Variants in ST18 observed in about 807,000 individuals in gnomAD.
ST18 encodes the protein suppression of tumorigenicity 18 protein.
In ST18, 50 loss-of-function variants were observed where a neutral mutation model predicts 110.0. That is an observed-to-expected ratio of 0.45 (90% CI 0.36 to 0.58). ST18 has a LOEUF of 0.58. ST18 is among the 20% of genes least tolerant of loss of function. The pLI is 0.00. For missense variants in ST18, 1,306 were observed against 1,280.1 expected (o/e 1.02, Z -0.31); for synonymous variants, 461 against 452.4 (o/e 1.02, Z -0.24).
chr8:52,282,853 C>T (rs1264615755), intron 2 of ST18, among the ~76,000 whole-genome samples: 1 of 152,024 alleles, frequency 6.6e-6, no homozygotes, highest in African/African-American at 2.4e-5. Context: ...GAGGAAGATG[C>T]AAGACCTTGG....
At chr8:52,185,568 T>C (rs2071748383) in intron 8 of ST18, among the ~76,000 whole-genome samples, 1 of 152,060 alleles carries the variant, frequency 6.6e-6, no homozygotes, top group South Asian at 2.1e-4. Flanking sequence ...TTGGTGCAAA[T>C]ATTAAAAAAA....
At chr8:52,154,015 A>C (rs556745540) in intron 15 of ST18, among the ~76,000 whole-genome samples, 2 of 152,266 alleles carry the variant, frequency 1.3e-5, no homozygotes, top group South Asian at 4.1e-4. Flanking sequence ...GATTCAGGGG[A>C]TTGGACTAGG....
At chr8:52,285,114 A>G (rs2095447059) in intron 2 of ST18, among the ~76,000 whole-genome samples, 1 of 152,216 alleles carries the variant, frequency 6.6e-6, no homozygotes, top group Admixed American at 6.5e-5. Context: ...GATTTTCCAC[A>G]AGGACTAAAG....
Position 52,171,417 on chromosome 8 carries a change from A to G in ST18, c.1069+375T>C, listed in dbSNP as rs2064920838. Among the ~76,000 whole-genome samples the G allele has an allele frequency of 2.0e-5, 3 of 152,264 alleles. No homozygotes were observed. In the South Asian group the frequency reaches 6.2e-4, roughly 32 times the overall value. On this transcript the variant is annotated intron_variant, in intron 10 of 25. Coordinates refer to ENST00000689386, the MANE Select transcript of ST18 (RefSeq NM_001352837.2). Reference sequence around the variant, plus strand: ...CCTGGCTAGCAAGTTAGATAATCCAAGAATGAGGGTGGGAAAGAAAAATTA... The same window carrying G: ...CCTGGCTAGCAAGTTAGATAATCCAGGAATGAGGGTGGGAAAGAAAAATTA...
chr8:52,142,273 G>A (rs1365769887), intron 17 of ST18, among the ~76,000 whole-genome samples: 1 of 152,206 alleles, frequency 6.6e-6, no homozygotes, highest in Non-Finnish European at 1.5e-5. Context: ...GCTGGGTCAG[G>A]AGAGGTTTTT....
rs143234608 is a variant in ST18 at position 52,231,818 on chromosome 8, G to C, written c.-464-1741C>G. Among the ~76,000 whole-genome samples, 392 of 152,296 alleles carry C rather than the reference G, an allele frequency of 2.6e-3. 2 individuals are homozygous for C. Among genetic ancestry groups the C allele is most frequent in the Middle Eastern group, 0.017 (5 of 294 alleles). ...CACATTCTGGTGCCAAAACTCTGAG[G>C]TTCTCACAAGGGTCCAGGTTCTCCT... On this transcript the variant is annotated intron_variant, in intron 2 of 25. Transcript: ENST00000689386.
At chr8:52,359,053 A>T (rs552403986) in intron 2 of ST18, among the ~76,000 whole-genome samples, 268 of 152,128 alleles carry the variant, frequency 1.8e-3, no homozygotes, top group Non-Finnish European at 3.0e-3. Context: ...TTATCCCAGG[A>T]ATGCAAAAAA....
At position 52,246,905 on chromosome 8, in the gene ST18, G is replaced by A. The variant is rs114749266; in HGVS notation, c.-464-16828C>T. ...ATCTAACAGACCAGGAAACCGAGGC[G>A]CAGAAAAGTTAGAGAACTTATCCAG... On this transcript the variant is annotated intron_variant, in intron 2 of 25. Coordinates refer to ENST00000689386, the MANE Select transcript of ST18 (RefSeq NM_001352837.2). Among the ~76,000 whole-genome samples the A allele has an allele frequency of 2.3e-3, 353 of 152,266 alleles. 4 individuals are homozygous for A. Among genetic ancestry groups the A allele is most frequent in the African/African-American group, 6.4e-3 (267 of 41,548 alleles).
chr8:52,225,472 G>A (rs1234210018), intron 3 of ST18, among the ~76,000 whole-genome samples: 2 of 152,158 alleles, frequency 1.3e-5, no homozygotes, highest in Non-Finnish European at 2.9e-5. Context: ...TGCTTTGGGG[G>A]GCCAGTTTCT....
intron 2 of ST18, among the ~76,000 whole-genome samples, chr8:52,385,936 G>C (rs1836544864): frequency 6.6e-6 from 1 of 152,128 alleles, no homozygotes; most frequent in Non-Finnish European, 1.5e-5. Context: ...TCCTAGGGAA[G>C]GGCCCTCACA....
chr8:52,296,648 C>T (rs761752348), intron 2 of ST18: 13 of 152,148 alleles, frequency 8.5e-5, no homozygotes, highest in Non-Finnish European at 1.8e-4. Context: ...TCTACCTTTC[C>T]AAGTTACTGT....
chr8:52,144,642 A>C (rs1459388532), intron 16 of ST18, among the ~76,000 whole-genome samples: 1 of 152,142 alleles, frequency 6.6e-6, no homozygotes, highest in Non-Finnish European at 1.5e-5. Flanking sequence ...CATATTATTG[A>C]TGGTATTAAG....
At position 52,289,678 on chromosome 8, in the gene ST18, G is replaced by A. The variant is rs956122345; in HGVS notation, c.-464-59601C>T. On this transcript the variant is annotated intron_variant, in intron 2 of 25. Coordinates refer to ENST00000689386, the MANE Select transcript of ST18 (RefSeq NM_001352837.2). ...CCAGGAAAATAAGCCATTGGGGTGG[G>A]CTGCTCACGATGTTGAAGTAACAGA... is the stretch of plus-strand genomic sequence containing the variant. Among the ~76,000 whole-genome samples, 8 of 152,212 alleles carry A rather than the reference G, an allele frequency of 5.3e-5. No homozygotes were observed. In the East Asian group the frequency reaches 1.4e-3, roughly 26 times the overall value.
At chr8:52,137,739 A>T (rs16917282) in intron 17 of ST18, 2 of 414,708 alleles carry the variant, frequency 4.8e-6, no homozygotes, top group Non-Finnish European at 8.6e-6. Flanking sequence ...ATTTGATTCC[A>T]TTGATGTGGG....
intron 25 of ST18, among the ~76,000 whole-genome samples, chr8:52,115,868 T>C (rs1432032583): frequency 6.6e-6 from 1 of 152,134 alleles, no homozygotes; most frequent in South Asian, 2.1e-4. Context: ...ACCTAGTCCA[T>C]TGGGAATTGA....
chr8:52,132,225 T>C, intron 21 of ST18, 46 bp from the exon 22 acceptor site: 1 of 1,519,588 alleles, frequency 6.6e-7, no homozygotes, highest in Non-Finnish European at 9.0e-7. Flanking sequence ...AAGGCAGTGA[T>C]AGTCCTATGC....
At chr8:52,201,943 A>T (rs904684294) in intron 8 of ST18, among the ~76,000 whole-genome samples, 2 of 152,230 alleles carry the variant, frequency 1.3e-5, no homozygotes, top group African/African-American at 4.8e-5. Flanking sequence ...AAATATACTT[A>T]TAAAGGAAGA....
intron 2 of ST18, among the ~76,000 whole-genome samples, chr8:52,314,080 G>A (rs2095976790): frequency 6.6e-6 from 1 of 152,200 alleles, no homozygotes; most frequent in East Asian, 1.9e-4. Flanking sequence ...CAGCACCACA[G>A]GGGTAGCAGG....
At chr8:52,331,901 T>A (rs1809606635) in intron 2 of ST18, among the ~76,000 whole-genome samples, 1 of 152,172 alleles carries the variant, frequency 6.6e-6, no homozygotes, top group African/African-American at 2.4e-5. Flanking sequence ...GAGGAGAGAA[T>A]GAAGGACTCC....
Sources: gnomAD v4.1 joint callset for allele counts (sites outside exome capture counted in the v4.1 genomes callset) on GRCh38, gnomAD v4.1.1 for gene constraint, MANE v1.5 for transcripts, NCBI Gene and HGNC (gene_info 2026-07-23, HGNC 2026-07-21) for gene names.